AXIN1: variants seen among roughly 807,000 people sequenced by gnomAD.
AXIN1 encodes the protein axin 1, also known as axin-1.
A neutral mutation model predicts 76.4 loss-of-function variants in AXIN1; 30 were observed. The observed-to-expected ratio is 0.39, with a 90% CI of 0.29 to 0.53. AXIN1 has a LOEUF of 0.53. AXIN1 is among the 20% of genes least tolerant of loss of function. The pLI, the probability that AXIN1 is intolerant of heterozygous loss-of-function variation, is 0.66. For synonymous variants in AXIN1, 545 were observed against 501.4 expected (o/e 1.09, Z -1.16); for missense variants, 1,140 against 1,198.8 (o/e 0.95, Z 0.72).
intron 2 of AXIN1, among the ~76,000 whole-genome samples, chr16:344,361 C>T (rs1488098518): frequency 4.9e-5 from 7 of 141,680 alleles, no homozygotes; most frequent in African/African-American, 1.3e-4. Flanking sequence ...ACCTGGGAGG[C>T]GGAGCTTGCA....
At chr16:305,661 A>C (rs367776912) in intron 4 of AXIN1, among the ~76,000 whole-genome samples, 1 of 152,066 alleles carries the variant, frequency 6.6e-6, no homozygotes, top group South Asian at 2.1e-4. Flanking sequence ...CTCCTGCCTC[A>C]GCCTCCCGAG....
At chr16:295,524 C>G (rs1248843542) in intron 7 of AXIN1, among the ~76,000 whole-genome samples, 2 of 151,274 alleles carry the variant, frequency 1.3e-5, no homozygotes, top group East Asian at 3.9e-4. Context: ...GCACTTCAGC[C>G]AGGGTGACAG....
chr16:348,265 G>T (rs2054072063), intron 1 of AXIN1, among the ~76,000 whole-genome samples: 2 of 152,192 alleles, frequency 1.3e-5, no homozygotes, highest in South Asian at 4.1e-4. Flanking sequence ...AAGTGGTCCT[G>T]GCTAAAAGGG....
rs568858111 is a variant in AXIN1, at chr16:345,214, G to A, written c.878+934C>T. ...TCCCAGGCAACACACGCACCCCACA[G>A]GCCCTGCCAGGATCGCCTCAGGGTC... On this transcript the variant is annotated intron_variant, in intron 2 of 10. Coordinates refer to ENST00000262320, the MANE Select transcript of AXIN1 (RefSeq NM_003502.4). 1.1e-4 allele frequency among the ~76,000 whole-genome samples: 16 copies of A among 152,304 alleles called. No individual in the cohort carries two copies. In the East Asian group the frequency reaches 2.1e-3, roughly 20 times the overall value.
intron 1 of AXIN1, among the ~76,000 whole-genome samples, chr16:351,563 T>C (rs575597384): frequency 6.6e-6 from 1 of 151,552 alleles, no homozygotes; most frequent in East Asian, 1.9e-4. Context: ...TGAGCCAAGA[T>C]AGCGCCACTG....
At chr16:331,815 G>A (rs1219862369) in intron 2 of AXIN1, among the ~76,000 whole-genome samples, 1 of 152,126 alleles carries the variant, frequency 6.6e-6, no homozygotes, top group African/African-American at 2.4e-5. Context: ...CTGCATGAGG[G>A]GCCCTCACGC....
At chr16:320,734 TATATATA>T (rs2053424934) in intron 2 of AXIN1, among the ~76,000 whole-genome samples, 1 of 91,036 alleles carries the variant, frequency 1.1e-5, no homozygotes, top group Admixed American at 9.6e-5. Context: ...TATATATATA[TATATATA>T]TATTTTTTTT....
Position 293,468 on chromosome 16 carries a change from A to G in AXIN1, c.2186+20T>C. The G allele has an allele frequency of 6.2e-7, 1 of 1,604,332 alleles. No individual in the cohort carries two copies. Among genetic ancestry groups the G allele is most frequent in the South Asian group, 1.1e-5 (1 of 90,884 alleles). On this transcript the variant is annotated intron_variant, in intron 8 of 10. Coordinates refer to ENST00000262320, the MANE Select transcript of AXIN1 (RefSeq NM_003502.4). This position sits in a 1 kb window ranked among gnomAD's most constrained non-coding sequence, Gnocchi z 4.6. ...TGTGGTAACCCCCAAGACCCACCCC[A>G]CCCCACGACGCGGCCGTACCTCTGC...
At chr16:337,424 A>G (rs1051873065) in intron 2 of AXIN1, among the ~76,000 whole-genome samples, 2 of 150,124 alleles carry the variant, frequency 1.3e-5, no homozygotes, top group African/African-American at 4.9e-5. Flanking sequence ...GTTATTTTAA[A>G]TGTTTGTTTA....
rs562589228 is a variant in AXIN1, at chr16:342,802, G to A, written c.878+3346C>T. Among the ~76,000 whole-genome samples the A allele has an allele frequency of 3.3e-5, 5 of 152,326 alleles. No homozygotes were observed. In the South Asian group the frequency reaches 8.3e-4, roughly 25 times the overall value. On this transcript the variant is annotated intron_variant, in intron 2 of 10. Coordinates refer to ENST00000262320, the MANE Select transcript of AXIN1 (RefSeq NM_003502.4). ...CCTCCAACACAAAGCCCACGAAGTC[G>A]CCCACCAGGCAGGCAAAGTCAGAAT... is the stretch of plus-strand genomic sequence containing the variant.
At chr16:350,461 T>C (rs2054119922) in intron 1 of AXIN1, among the ~76,000 whole-genome samples, 1 of 152,198 alleles carries the variant, frequency 6.6e-6, no homozygotes, top group African/African-American at 2.4e-5. Context: ...GTATTTAAAA[T>C]TCCCTTTCGT....
chr16:342,216 C>T (rs2141687314), intron 2 of AXIN1, among the ~76,000 whole-genome samples: 1 of 152,254 alleles, frequency 6.6e-6, no homozygotes, highest in Non-Finnish European at 1.5e-5. Context: ...CAGCTTCACT[C>T]CTGAAGCCAG....
intron 4 of AXIN1, among the ~76,000 whole-genome samples, chr16:308,249 G>A (rs1034437941): frequency 3.9e-5 from 6 of 152,144 alleles, no homozygotes; most frequent in Admixed American, 3.3e-4. Context: ...AGGTTCTGAC[G>A]ACGACACCAG....
intron 9 of AXIN1, 134 bp downstream of exon 9, chr16:291,056 C>G (rs1329228615): frequency 1.2e-6 from 1 of 821,768 alleles, no homozygotes; most frequent in African/African-American, 1.7e-5. Flanking sequence ...GCCACGGGAC[C>G]CTCTCCTGCC....
Position 314,648 on chromosome 16 carries a change from T to A in AXIN1, c.914A>T (p.Tyr305Phe), listed in dbSNP as rs2053259458. The A allele has an allele frequency of 1.9e-6, 3 of 1,613,852 alleles. No homozygotes were observed. The highest frequency in any genetic ancestry group is 2.5e-6 in the Non-Finnish European group (3 of 1,180,036). ...GGCCAGGGCATAGCCGGCATTGACATAATAGGGGTTGACTGGCTCCCGCCA... is the reference window on the plus strand; with the variant it reads ...GGCCAGGGCATAGCCGGCATTGACAAAATAGGGGTTGACTGGCTCCCGCCA... Reference protein sequence around the residue: ...GSWREPVNPYYVNAGYALAPA... With the variant: ...GSWREPVNPYFVNAGYALAPA... The change falls in exon 3 of 11, where the codon TAT becomes TTT. Residue 305 changes from tyrosine (Y) to phenylalanine (F), a missense_variant. Tyr to Phe is a conservative substitution (Grantham distance 22). Transcript: ENST00000262320.
intron 5 of AXIN1, 44 bp downstream of exon 5, chr16:304,260 G>A (rs1425965403): frequency 6.3e-7 from 1 of 1,599,988 alleles, no homozygotes; most frequent in Non-Finnish European, 8.5e-7. Flanking sequence ...CAAGAAAACA[G>A]CACGACACCG....
intron 5 of AXIN1, among the ~76,000 whole-genome samples, chr16:301,801 C>T (rs2052881579): frequency 6.6e-6 from 1 of 152,168 alleles, no homozygotes. Flanking sequence ...AACAAAACAG[C>T]AAAGGCTTCT....
chr16:296,333 C>A (rs1349350109), intron 7 of AXIN1, among the ~76,000 whole-genome samples: 1 of 152,232 alleles, frequency 6.6e-6, no homozygotes, highest in Admixed American at 6.5e-5. Context: ...GGGTGGGGGG[C>A]AGATCAGGAC....
chr16:297,357 C>T (rs1452905683), intron 6 of AXIN1, 131 bp from the exon 7 acceptor site: 6 of 1,210,562 alleles, frequency 5.0e-6, no homozygotes, highest in Admixed American at 2.0e-5. Flanking sequence ...GTCCCCTGCC[C>T]GCTTGTCCCC....
Sources: gnomAD v4.1 joint callset for allele counts (sites outside exome capture counted in the v4.1 genomes callset) on GRCh38, gnomAD v4.1.1 for gene constraint, Gnocchi (gnomAD v3.1) non-coding constraint, MANE v1.5 for transcripts, NCBI Gene and HGNC (gene_info 2026-07-23, HGNC 2026-07-21) for gene names.